SEPSECS: variants seen among roughly 807,000 people sequenced by gnomAD.
The protein encoded by SEPSECS is O-phosphoseryl-tRNA(Sec) selenium transferase.
A neutral mutation model predicts 52.1 loss-of-function variants in SEPSECS; 42 were observed. The ratio of observed to expected loss-of-function variants is 0.81; its 90% CI spans 0.63 to 1.04. SEPSECS has a LOEUF of 1.04. Ranked by LOEUF, SEPSECS falls within the 50% of genes least tolerant of loss-of-function variation. The probability of loss-of-function intolerance (pLI) is 0.00; values close to 1 mark genes in which losing one functional copy is unlikely to be tolerated. For synonymous variants in SEPSECS, 216 were observed against 211.4 expected (o/e 1.02, Z -0.19); for missense variants, 590 against 610.6 (o/e 0.97, Z 0.36).
chr4:25,125,429 T>C (rs540190130), intron 10 of SEPSECS: 5 of 427,372 alleles, frequency 1.2e-5, no homozygotes, highest in South Asian at 7.1e-5. Context: ...AAAAAATCTA[T>C]GTAGAGAGGT....
intron 8 of SEPSECS, among the ~76,000 whole-genome samples, chr4:25,139,537 C>T (rs944229864): frequency 1.3e-5 from 2 of 152,142 alleles, no homozygotes; most frequent in South Asian, 2.1e-4. Context: ...AGGTGTGTGC[C>T]ACCACACCCA....
At chr4:25,140,006 T>C (rs1436216968) in intron 8 of SEPSECS, among the ~76,000 whole-genome samples, 1 of 152,218 alleles carries the variant, frequency 6.6e-6, no homozygotes, top group East Asian at 1.9e-4. Flanking sequence ...TAGTCCCTAG[T>C]GTTGAGAAGT....
chr4:25,159,166 C>G (rs1560338484), intron 1 of SEPSECS, 59 bp from the exon 2 acceptor site: 3 of 1,356,150 alleles, frequency 2.2e-6, no homozygotes, highest in Admixed American at 2.7e-5. Flanking sequence ...CTCTAGAATA[C>G]TACAGGAATA....
At chr4:25,157,226 C>T (rs540809589) in intron 2 of SEPSECS, among the ~76,000 whole-genome samples, 1 of 152,314 alleles carries the variant, frequency 6.6e-6, no homozygotes, top group East Asian at 1.9e-4. Context: ...CCACATGCTA[C>T]TCCCACACCA....
intron 2 of SEPSECS, among the ~76,000 whole-genome samples, chr4:25,157,851 T>C (rs1560337573): frequency 6.6e-6 from 1 of 152,122 alleles, no homozygotes; most frequent in Non-Finnish European, 1.5e-5. Flanking sequence ...GGCCAAATTA[T>C]CTTTTTTCTT....
chr4:25,146,921 C>T (rs1259119424), intron 6 of SEPSECS, among the ~76,000 whole-genome samples: 4 of 152,194 alleles, frequency 2.6e-5, no homozygotes, highest in African/African-American at 4.8e-5. Flanking sequence ...CTATTTCCCA[C>T]ATAGCATGTC....
Position 25,123,882 on chromosome 4 carries a change from T to A in SEPSECS, c.*49A>T, listed in dbSNP as rs377381566. ...TTATCTTTAAACTGCTTGCTTGTAC[T>A]ACAGCCTTATCATTTCTTTCAAATG... On this transcript the variant is annotated 3_prime_UTR_variant, in exon 11 of 11. Coordinates refer to ENST00000382103, the MANE Select transcript of SEPSECS (RefSeq NM_016955.4). The A allele has an allele frequency of 1.7e-5, 25 of 1,484,884 alleles. No homozygotes were observed. In the African/African-American group the frequency reaches 2.6e-4, roughly 16 times the overall value. 92.0% of individuals were successfully genotyped at this position (1,484,884 alleles called of 1,614,324 possible).
rs1728230727 is a variant in SEPSECS, at chr4:25,123,775, A to T, written c.*156T>A. 2 of 640,420 alleles carry T rather than the reference A, an allele frequency of 3.1e-6. No homozygotes were observed. The highest frequency in any genetic ancestry group is 5.5e-6 in the Non-Finnish European group (2 of 361,376). 39.7% of individuals were successfully genotyped at this position (640,420 alleles called of 1,614,324 possible). On this transcript the variant is annotated 3_prime_UTR_variant, in exon 11 of 11. Coordinates refer to ENST00000382103, the MANE Select transcript of SEPSECS (RefSeq NM_016955.4). Reference sequence around the variant, plus strand: ...GCAGTCTAAGAATGGGAAACTTAACAATCATCAATGGCTAGTTCAGACCAA... The same window carrying T: ...GCAGTCTAAGAATGGGAAACTTAACTATCATCAATGGCTAGTTCAGACCAA...
chr4:25,141,593 C>T (rs762526641), intron 8 of SEPSECS, among the ~76,000 whole-genome samples: 2 of 152,174 alleles, frequency 1.3e-5, no homozygotes, highest in Non-Finnish European at 2.9e-5. Context: ...GCCAATATCA[C>T]TTCTTAACCA....
At chr4:25,140,149 T>C (rs185617147) in intron 8 of SEPSECS, among the ~76,000 whole-genome samples, 5 of 152,360 alleles carry the variant, frequency 3.3e-5, no homozygotes, top group Non-Finnish European at 5.9e-5. Flanking sequence ...TATCTCCACA[T>C]GCCTGTGAAC....
chr4:25,158,066 T>A (rs777506971), intron 2 of SEPSECS, among the ~76,000 whole-genome samples: 1 of 152,214 alleles, frequency 6.6e-6, no homozygotes, highest in African/African-American at 2.4e-5. Context: ...TAATTGACAG[T>A]CAAATATATC....
intron 1 of SEPSECS, 113 bp downstream of exon 1, chr4:25,160,143 G>C: frequency 6.6e-7 from 1 of 1,514,822 alleles, no homozygotes; most frequent in Admixed American, 2.1e-5. Flanking sequence ...GACAGACTTG[G>C]GACTAGTCTC....
intron 5 of SEPSECS, among the ~76,000 whole-genome samples, chr4:25,154,764 ACT>A (rs1712517996): frequency 6.6e-6 from 1 of 152,086 alleles, no homozygotes. Context: ...GTCTGCATCG[ACT>A]CAGGTGATAA....
intron 8 of SEPSECS, among the ~76,000 whole-genome samples, chr4:25,133,046 C>A (rs1325870109): frequency 6.6e-6 from 1 of 152,082 alleles, no homozygotes; most frequent in Non-Finnish European, 1.5e-5. Context: ...ATAATAAGTA[C>A]AATGAATCTA....
rs769071427 is a variant in SEPSECS, at chr4:25,159,072, T to C, written c.150A>G (p.Thr50=). The C allele has an allele frequency of 7.4e-6, 12 of 1,612,840 alleles. No homozygotes were observed. Among genetic ancestry groups the C allele is most frequent in the African/African-American group, 1.3e-5 (1 of 74,528 alleles). ...CAAGTTCATGTAAAAAGAGTTCAAG[T>C]GTACTTTCATCCCAGCCATTCTCTG... is the stretch of plus-strand genomic sequence containing the variant. ...KCPENGWDES[T]LELFLHELAI... The change falls in exon 2 of 11, where the codon ACA becomes ACG. Residue 50 remains threonine (T), a synonymous_variant. Transcript: ENST00000382103.
At chr4:25,140,849 C>T (rs1300385524) in intron 8 of SEPSECS, among the ~76,000 whole-genome samples, 2 of 151,474 alleles carry the variant, frequency 1.3e-5, no homozygotes, top group Non-Finnish European at 2.9e-5. Context: ...CTCCTTAATA[C>T]ACAGTTGGTC....
chr4:25,133,904 A>C (rs757823576), intron 8 of SEPSECS, among the ~76,000 whole-genome samples: 1 of 151,964 alleles, frequency 6.6e-6, no homozygotes, highest in Non-Finnish European at 1.5e-5. Flanking sequence ...GCTTGAGCTC[A>C]GGAGTTCGAG....
At chr4:25,129,360 C>T (rs966112205) in intron 8 of SEPSECS, among the ~76,000 whole-genome samples, 17 of 151,960 alleles carry the variant, frequency 1.1e-4, no homozygotes, top group South Asian at 4.1e-4. Flanking sequence ...TGGTGGCTCA[C>T]GCCTGTAATC....
At chr4:25,159,996 T>C in intron 1 of SEPSECS, 2 of 985,362 alleles carry the variant, frequency 2.0e-6, no homozygotes, top group Non-Finnish European at 2.4e-6. Flanking sequence ...CACTTCCGCA[T>C]CCCGAAGTTA....
Sources: gnomAD v4.1 joint callset for allele counts (sites outside exome capture counted in the v4.1 genomes callset) on GRCh38, gnomAD v4.1.1 for gene constraint, MANE v1.5 for transcripts, NCBI Gene and HGNC (gene_info 2026-07-23, HGNC 2026-07-21) for gene names.